ALS2: variants seen among roughly 807,000 people sequenced by gnomAD.
ALS2 encodes alsin.
In ALS2, 117 loss-of-function variants were observed where a neutral mutation model predicts 203.4. That is an observed-to-expected ratio of 0.58 (90% confidence interval 0.50 to 0.67). ALS2 has a LOEUF of 0.67. ALS2 is among the 30% of genes least tolerant of loss of function. The pLI, the probability that ALS2 is intolerant of heterozygous loss-of-function variation, is 0.00. For missense variants in ALS2, 1,715 were observed against 1,989.4 expected (o/e 0.86, Z 2.62); for synonymous variants, 718 against 725.9 (o/e 0.99, Z 0.17).
intron 8 of ALS2, among the ~76,000 whole-genome samples, chr2:201,747,223 GTT>G (rs1164471019): frequency 6.6e-6 from 1 of 152,092 alleles, no homozygotes; most frequent in Non-Finnish European, 1.5e-5. Context: ...CTAAAATTCA[GTT>G]TTCCCACTTG....
chr2:201,701,102 C>G lies in ALS2; in HGVS notation c.*749G>C, dbSNP rs1689361671. 6.6e-6 allele frequency: 1 copy of G among 152,600 alleles called. No homozygotes were observed. The highest frequency in any genetic ancestry group is 1.5e-5 in the Non-Finnish European group (1 of 68,030). 9.5% of individuals were successfully genotyped at this position (152,600 alleles called of 1,614,324 possible). On this transcript the variant is annotated 3_prime_UTR_variant, in exon 34 of 34. Coordinates refer to ENST00000264276, the MANE Select transcript of ALS2 (RefSeq NM_020919.4). ...CATGGACAAATGAGGTTCCTAGCAG[C>G]TCAGAGTCGGTGTCTGAATTCCAGT...
intron 31 of ALS2, 98 bp downstream of exon 31, chr2:201,705,041 T>C (rs538708500): frequency 1.0e-5 from 12 of 1,184,536 alleles, no homozygotes; most frequent in Admixed American, 9.1e-5. Context: ...AGAATGGGGA[T>C]GCTTAAGGCT....
chr2:201,728,031 TAAG>T (rs893318039), intron 15 of ALS2, among the ~76,000 whole-genome samples: 1 of 152,188 alleles, frequency 6.6e-6, no homozygotes, highest in Non-Finnish European at 1.5e-5. Flanking sequence ...GCTGGAAACT[TAAG>T]AAGTTCTCTG....
chr2:201,761,475 TG>T lies in ALS2; in HGVS notation c.518del (p.Ala173AspfsTer17). The T allele has an allele frequency of 6.2e-7, 1 of 1,609,184 alleles. No individual in the cohort carries two copies. Among genetic ancestry groups the T allele is most frequent in the Non-Finnish European group, 8.5e-7 (1 of 1,175,820 alleles). On this transcript the variant is annotated frameshift_variant, in exon 4 of 34. Transcript: ENST00000264276. LOFTEE classifies it high-confidence loss of function. ...GACCCAACTGACAACCGGTACCCCA[TG>T]CCCAAATCTCTCTGCTTATTGACAA... ...LALSISREIW[A>X]WGTGCQLGLI...
intron 23 of ALS2, chr2:201,722,453 C>T (rs1012670178): frequency 6.6e-6 from 1 of 152,256 alleles, no homozygotes; most frequent in Non-Finnish European, 1.5e-5. Flanking sequence ...ATCAATTTAC[C>T]ATACAACTTA....
chr2:201,721,822 C>A (rs959386428), intron 23 of ALS2, among the ~76,000 whole-genome samples: 5 of 152,066 alleles, frequency 3.3e-5, no homozygotes, highest in African/African-American at 9.7e-5. Flanking sequence ...CGCCACCACG[C>A]CTGGCTAATT....
At chr2:201,759,696 T>C (rs1574783643) in intron 4 of ALS2, 1 of 984,136 alleles carries the variant, frequency 1.0e-6, no homozygotes, top group South Asian at 4.7e-5. Flanking sequence ...TTTCAGTGAA[T>C]AGATTGTGAA....
In ALS2 at chr2:201,706,884, C is replaced by T; in HGVS notation, c.4542G>A (p.Gln1514=). ...GAAAGCCCAGGAGAGCAATATCTGGCTGCTTATTTAGTCGAAGGACACATT... is the reference window on the plus strand; with the variant it reads ...GAAAGCCCAGGAGAGCAATATCTGGTTGCTTATTTAGTCGAAGGACACATT... ...YWECVLRLNK[Q]PDIALLGFLG... is the part of the protein sequence containing the mutation. The change falls in exon 29 of 34, where the codon CAG becomes CAA. Residue 1514 remains glutamine (Q), a synonymous_variant. Coordinates refer to ENST00000264276, the MANE Select transcript of ALS2 (RefSeq NM_020919.4). 6.2e-7 allele frequency: 1 copy of T among 1,614,036 alleles called. No homozygotes were observed. The highest frequency in any genetic ancestry group is 8.5e-7 in the Non-Finnish European group (1 of 1,179,970).
At chr2:201,707,491 C>T (rs1689791978) in intron 28 of ALS2, among the ~76,000 whole-genome samples, 1 of 151,792 alleles carries the variant, frequency 6.6e-6, no homozygotes, top group African/African-American at 2.4e-5. Flanking sequence ...CGCAATGGTG[C>T]AGTCACAGCT....
chr2:201,726,910 A>G (rs776182047), intron 17 of ALS2, 44 bp from the exon 18 acceptor site: 3 of 1,524,696 alleles, frequency 2.0e-6, no homozygotes, highest in East Asian at 4.5e-5. Context: ...GCAACAATTC[A>G]TCAAGCATTG....
intron 23 of ALS2, among the ~76,000 whole-genome samples, chr2:201,720,962 A>C (rs1559044251): frequency 6.6e-6 from 1 of 152,196 alleles, no homozygotes; most frequent in Non-Finnish European, 1.5e-5. Flanking sequence ...ACACAAAAAA[A>C]ACCACTAAAA....
intron 28 of ALS2, among the ~76,000 whole-genome samples, chr2:201,707,452 C>T (rs1215030794): frequency 6.6e-6 from 1 of 151,022 alleles, no homozygotes; most frequent in Non-Finnish European, 1.5e-5. Context: ...TTTTTTGAGA[C>T]AGGTCTCACT....
chr2:201,758,328 A>C (rs1693529291), intron 4 of ALS2, among the ~76,000 whole-genome samples: 1 of 152,150 alleles, frequency 6.6e-6, no homozygotes. Flanking sequence ...TCATCTCCCA[A>C]ATTATGCTCA....
At chr2:201,742,606 G>A (rs181098126) in intron 10 of ALS2, among the ~76,000 whole-genome samples, 101 of 152,270 alleles carry the variant, frequency 6.6e-4, no homozygotes, top group Non-Finnish European at 1.3e-3. Flanking sequence ...CAAAGTCCTG[G>A]AGTGTTCAGC....
At chr2:201,731,038 A>G (rs1338937165) in intron 13 of ALS2, among the ~76,000 whole-genome samples, 1 of 152,230 alleles carries the variant, frequency 6.6e-6, no homozygotes, top group African/African-American at 2.4e-5. Context: ...CCAAGTTTTG[A>G]GAAACAACTA....
In ALS2 at chr2:201,754,377, G is replaced by A. The variant is rs1308033524; in HGVS notation, c.1640+126C>T. The A allele has an allele frequency of 3.4e-6, 4 of 1,175,730 alleles. No individual in the cohort carries two copies. In the East Asian group the frequency reaches 7.0e-5, roughly 21 times the overall value. 72.8% of individuals were successfully genotyped at this position (1,175,730 alleles called of 1,614,324 possible). On this transcript the variant is annotated intron_variant, in intron 6 of 33. Transcript: ENST00000264276. ...ACAGCTTTTTATCAGAGTTAATGGT[G>A]TGTAATAATCTGAAGCTAGAAGAGC...
At chr2:201,710,178 C>T in intron 26 of ALS2, 140 bp from the exon 27 acceptor site, 1 of 915,582 alleles carries the variant, frequency 1.1e-6, no homozygotes, top group Non-Finnish European at 1.6e-6. Flanking sequence ...TATTCAAATA[C>T]TTTAATTTTT....
chr2:201,757,056 T>C (rs1693444855), intron 5 of ALS2, among the ~76,000 whole-genome samples: 1 of 152,218 alleles, frequency 6.6e-6, no homozygotes, highest in Non-Finnish European at 1.5e-5. Flanking sequence ...TCAAGTACAG[T>C]AATTCACTTA....
intron 33 of ALS2, among the ~76,000 whole-genome samples, chr2:201,702,966 A>G (rs1415348533): frequency 3.3e-5 from 5 of 152,178 alleles, no homozygotes; most frequent in Admixed American, 3.3e-4. Context: ...AAATACAAAA[A>G]TTAGCCAGGT....
Sources: allele counts gnomAD v4.1 joint callset (sites outside exome capture counted in the v4.1 genomes callset), GRCh38; gene constraint gnomAD v4.1.1; transcripts MANE v1.5; gene names NCBI Gene and HGNC (gene_info 2026-07-23, HGNC 2026-07-21).